RAP1GAP2: variants seen among roughly 807,000 people sequenced by gnomAD.
RAP1GAP2 encodes RAP1 GTPase activating protein 2.
Under a neutral mutation model 95.0 loss-of-function variants are expected in RAP1GAP2, and 27 were observed. That is an observed-to-expected ratio of 0.28 (90% CI 0.21 to 0.39). RAP1GAP2 has a LOEUF of 0.39. Ranked by LOEUF, RAP1GAP2 falls within the 10% of genes least tolerant of loss-of-function variation. The probability of loss-of-function intolerance (pLI) is 1.00; values close to 1 mark genes in which losing one functional copy is unlikely to be tolerated. For synonymous variants in RAP1GAP2, 373 were observed against 380.9 expected, an observed-to-expected ratio of 0.98 and a Z score of 0.24; for missense variants, 771 against 970.0, an observed-to-expected ratio of 0.79 and a Z score of 2.72.
intron 2 of RAP1GAP2, among the ~76,000 whole-genome samples, chr17:2,898,691 A>G (rs1400020787): frequency 6.6e-6 from 1 of 152,190 alleles, no homozygotes; most frequent in Non-Finnish European, 1.5e-5. Context: ...CCTTCTGATC[A>G]GCTTTCTGCC....
Position 2,832,705 on chromosome 17 carries a change from A to G in RAP1GAP2, c.80+32155A>G, listed in dbSNP as rs373863152. On this transcript the variant is annotated intron_variant, in intron 2 of 24. Transcript: ENST00000254695. Reference sequence around the variant, plus strand: ...CTGGGTGCAGTGGCTGGCCAGGTGCATTGACTCACTCCTGTAATCCCAGCA... The same window carrying G: ...CTGGGTGCAGTGGCTGGCCAGGTGCGTTGACTCACTCCTGTAATCCCAGCA... Among the ~76,000 whole-genome samples, 6 of 150,776 alleles carry G rather than the reference A, an allele frequency of 4.0e-5. No individual in the cohort carries two copies. In the East Asian group the frequency reaches 7.9e-4, roughly 20 times the overall value.
chr17:3,013,556 C>T (rs1053687309), intron 17 of RAP1GAP2, among the ~76,000 whole-genome samples: 6 of 150,728 alleles, frequency 4.0e-5, no homozygotes, highest in Admixed American at 2.0e-4. Context: ...CTGACTCCGG[C>T]GGCTGCACCA....
chr17:3,003,922 C>G lies in RAP1GAP2; in HGVS notation c.1201-1447C>G, dbSNP rs965398608. On this transcript the variant is annotated intron_variant, in intron 14 of 24. Transcript: ENST00000254695. This position sits in a 1 kb window ranked among gnomAD's most constrained non-coding sequence, Gnocchi z 4.1. ...CACAGGGCTCTGCTGTGGGACTGTC[C>G]AGCTGGAGGGTTGGATGGACTTGAG... Among the ~76,000 whole-genome samples the G allele has an allele frequency of 2.6e-5, 4 of 152,116 alleles. No individual in the cohort carries two copies. Among genetic ancestry groups the G allele is most frequent in the Non-Finnish European group, 5.9e-5 (4 of 68,024 alleles).
intron 2 of RAP1GAP2, among the ~76,000 whole-genome samples, chr17:2,877,564 A>C (rs1449417877): frequency 1.3e-5 from 2 of 152,124 alleles, no homozygotes; most frequent in Non-Finnish European, 2.9e-5. Flanking sequence ...CCTGGCCAAC[A>C]TGGTGAAACC....
At chr17:2,773,907 G>A (rs1445641280), upstream of RAP1GAP2, among the ~76,000 whole-genome samples, 2 of 151,868 alleles carry the variant, frequency 1.3e-5, no homozygotes, top group Admixed American at 6.6e-5. Context: ...ACAGGTGCCC[G>A]CCACGATGCC....
At chr17:2,994,755 C>G (rs1282275864) in intron 12 of RAP1GAP2, among the ~76,000 whole-genome samples, 1 of 152,212 alleles carries the variant, frequency 6.6e-6, no homozygotes, top group East Asian at 1.9e-4. Context: ...TCCCATATAA[C>G]CAGCAAGTGT....
intron 1 of RAP1GAP2, among the ~76,000 whole-genome samples, chr17:2,759,758 T>G (rs1315757164): frequency 2.6e-5 from 4 of 152,124 alleles, no homozygotes; most frequent in Admixed American, 2.6e-4. Flanking sequence ...GCCAATTCTT[T>G]GTATTTTTTA....
chr17:2,949,314 G>A (rs188244221), intron 3 of RAP1GAP2, among the ~76,000 whole-genome samples: 2 of 152,310 alleles, frequency 1.3e-5, no homozygotes, highest in African/African-American at 4.8e-5. Flanking sequence ...AAAATCCAGC[G>A]GCTGGCTTCC....
At chr17:2,960,784 CCTT>C (rs1213912956) in intron 4 of RAP1GAP2, among the ~76,000 whole-genome samples, 5 of 152,224 alleles carry the variant, frequency 3.3e-5, no homozygotes, top group African/African-American at 7.2e-5. Flanking sequence ...CTTCTGGACT[CCTT>C]CTGCTTCAGA....
At chr17:2,776,944 G>C (rs1035534175), upstream of RAP1GAP2, 1 of 153,130 alleles carries the variant, frequency 6.5e-6, no homozygotes, top group African/African-American at 2.4e-5. Context: ...AGGCGGCGCA[G>C]AAGGTCAGTG....
chr17:2,922,403 C>T (rs2042809655), intron 3 of RAP1GAP2, among the ~76,000 whole-genome samples: 2 of 152,222 alleles, frequency 1.3e-5, no homozygotes, highest in South Asian at 2.1e-4. Flanking sequence ...TAAGGTTACA[C>T]ACTCAGGTTC....
At chr17:2,921,400 G>T (rs2042765092) in intron 3 of RAP1GAP2, among the ~76,000 whole-genome samples, 1 of 151,942 alleles carries the variant, frequency 6.6e-6, no homozygotes, top group South Asian at 2.1e-4. Flanking sequence ...ACGGTGTTTT[G>T]CCATGTTGGT....
chr17:2,844,771 T>C (rs2071514874), intron 2 of RAP1GAP2, among the ~76,000 whole-genome samples: 1 of 152,206 alleles, frequency 6.6e-6, no homozygotes, highest in African/African-American at 2.4e-5. Context: ...AGCCGGAAAG[T>C]CTTTGATTAC....
At chr17:2,829,612 GAA>G (rs1206063166) in intron 2 of RAP1GAP2, among the ~76,000 whole-genome samples, 1 of 152,152 alleles carries the variant, frequency 6.6e-6, no homozygotes, top group Non-Finnish European at 1.5e-5. Context: ...GGCTTGTTAT[GAA>G]AGAGTCATTT....
At chr17:2,999,799 GAACAAAACAAAATAA>G (rs1229144666) in intron 14 of RAP1GAP2, among the ~76,000 whole-genome samples, 1 of 148,406 alleles carries the variant, frequency 6.7e-6, no homozygotes, top group Non-Finnish European at 1.5e-5. Flanking sequence ...AAAAAAAACA[GAACAAAACAAAATAA>G]AACAAAACAA....
intron 1 of RAP1GAP2, among the ~76,000 whole-genome samples, chr17:2,761,366 G>A (rs951673483): frequency 6.8e-6 from 1 of 147,252 alleles, no homozygotes; most frequent in Non-Finnish European, 1.5e-5. Context: ...TCAGCTCACC[G>A]CAACCTCCGT....
At chr17:2,900,404 C>T (rs940599002) in intron 2 of RAP1GAP2, among the ~76,000 whole-genome samples, 1 of 151,482 alleles carries the variant, frequency 6.6e-6, no homozygotes, top group Non-Finnish European at 1.5e-5. Context: ...TGATATAGAA[C>T]TTCATGTTTT....
chr17:2,813,035 A>G, intron 2 of RAP1GAP2, among the ~76,000 whole-genome samples: 1 of 151,320 alleles, frequency 6.6e-6, no homozygotes, highest in East Asian at 1.9e-4. Flanking sequence ...CCCAGTTCCA[A>G]TTAAATCTGA....
At chr17:2,768,188 A>G (rs1281791164) in intron 1 of RAP1GAP2, among the ~76,000 whole-genome samples, 1 of 152,198 alleles carries the variant, frequency 6.6e-6, no homozygotes, top group Admixed American at 6.5e-5. Context: ...AGAGGGGATT[A>G]TTGGGATAAA....
Sources: allele counts gnomAD v4.1 joint callset (sites outside exome capture counted in the v4.1 genomes callset), GRCh38; gene constraint gnomAD v4.1.1; non-coding constraint Gnocchi (gnomAD v3.1); transcripts MANE v1.5; gene names NCBI Gene and HGNC (gene_info 2026-07-23, HGNC 2026-07-21).